The following THEMIS variants were observed in gnomAD, a reference collection of about 807,000 sequenced individuals.
The protein encoded by THEMIS is thymocyte selection associated.
A neutral mutation model predicts 52.6 loss-of-function variants in THEMIS; 37 were observed. That is an observed-to-expected ratio of 0.70 (90% CI 0.54 to 0.93). The LOEUF (loss-of-function observed/expected upper bound fraction) is 0.93. Among genes scored for constraint, THEMIS ranks in the 40% least tolerant of loss-of-function variants. The pLI, the probability that THEMIS is intolerant of heterozygous loss-of-function variation, is 0.00. For synonymous variants in THEMIS, 292 were observed against 272.7 expected, an observed-to-expected ratio of 1.07 and a Z score of -0.70; for missense variants, 808 against 763.1, an observed-to-expected ratio of 1.06 and a Z score of -0.69.
chr6:127,906,082 C>T (rs1437149941), intron 1 of THEMIS, among the ~76,000 whole-genome samples: 2 of 150,734 alleles, frequency 1.3e-5, no homozygotes, highest in Non-Finnish European at 3.0e-5. Context: ...AAGTAATAAA[C>T]TAATGTTGGC....
At chr6:127,835,364 G>T (rs1778841789) in intron 2 of THEMIS, among the ~76,000 whole-genome samples, 1 of 152,052 alleles carries the variant, frequency 6.6e-6, no homozygotes, top group African/African-American at 2.4e-5. Flanking sequence ...TTTAATTCTG[G>T]CCTCAGCCCC....
At chr6:127,797,930 G>A (rs984708481) in intron 4 of THEMIS, among the ~76,000 whole-genome samples, 1 of 152,190 alleles carries the variant, frequency 6.6e-6, no homozygotes, top group Non-Finnish European at 1.5e-5. Context: ...AAATGTGGGG[G>A]TTCACAGGCA....
chr6:127,840,458 A>G (rs914346137), intron 2 of THEMIS, among the ~76,000 whole-genome samples: 1 of 152,146 alleles, frequency 6.6e-6, no homozygotes, highest in African/African-American at 2.4e-5. Flanking sequence ...AAACAACAGA[A>G]ACAAATGTAT....
chr6:127,897,993 T>C (rs969519642), intron 1 of THEMIS, among the ~76,000 whole-genome samples: 4 of 151,686 alleles, frequency 2.6e-5, no homozygotes, highest in Non-Finnish European at 4.4e-5. Context: ...TTCACAAATA[T>C]AATGTTAAAC....
chr6:127,791,872 A>G (rs1000195473), intron 4 of THEMIS, among the ~76,000 whole-genome samples: 1 of 152,176 alleles, frequency 6.6e-6, no homozygotes. Flanking sequence ...AGGCTTGGCC[A>G]CAACTTTGCT....
intron 2 of THEMIS, among the ~76,000 whole-genome samples, chr6:127,833,907 A>T (rs1778785195): frequency 6.6e-6 from 1 of 152,220 alleles, no homozygotes; most frequent in Non-Finnish European, 1.5e-5. Flanking sequence ...ATATATAATA[A>T]CAAGGATGTT....
intron 4 of THEMIS, among the ~76,000 whole-genome samples, chr6:127,763,207 T>C (rs1776080187): frequency 6.6e-6 from 1 of 152,022 alleles, no homozygotes. Flanking sequence ...GGGAAAGCAT[T>C]ATATTTTAAT....
At chr6:127,880,758 AATCT>A (rs748575940) in intron 1 of THEMIS, among the ~76,000 whole-genome samples, 2 of 152,068 alleles carry the variant, frequency 1.3e-5, no homozygotes, top group Non-Finnish European at 2.9e-5. Flanking sequence ...TCAGACAGCT[AATCT>A]GTTTATGTAG....
chr6:127,799,179 C>T (rs138625823), intron 4 of THEMIS, among the ~76,000 whole-genome samples: 12 of 152,216 alleles, frequency 7.9e-5, no homozygotes, highest in Non-Finnish European at 1.5e-4. Flanking sequence ...AAAGCCACAA[C>T]ACGTTCTCAG....
At chr6:127,755,814 G>T (rs527997275) in intron 4 of THEMIS, among the ~76,000 whole-genome samples, 4 of 152,046 alleles carry the variant, frequency 2.6e-5, no homozygotes, top group Non-Finnish European at 2.9e-5. Flanking sequence ...ATCACTTGAG[G>T]TCAGGAGTTC....
At chr6:127,815,704 G>C (rs974757803) in intron 3 of THEMIS, among the ~76,000 whole-genome samples, 1 of 152,172 alleles carries the variant, frequency 6.6e-6, no homozygotes, top group South Asian at 2.1e-4. Context: ...CTCAAGGTAA[G>C]TTTAGAAACT....
upstream of THEMIS, among the ~76,000 whole-genome samples, chr6:127,904,911 G>A (rs886868303): frequency 6.6e-6 from 1 of 151,980 alleles, no homozygotes; most frequent in African/African-American, 2.4e-5. Flanking sequence ...TGTTGAACTG[G>A]AAATGGGAGC....
Position 127,708,982 on chromosome 6 carries a change from C to T in THEMIS, c.*1003G>A, listed in dbSNP as rs1297971243. ...CTATTAAATTCCTATGTAACATTAA[C>T]CAGATAGCCTGTCTCTTCATTTTGT... On this transcript the variant is annotated 3_prime_UTR_variant, in exon 6 of 6. Coordinates refer to ENST00000368248, the MANE Select transcript of THEMIS (RefSeq NM_001010923.3). The T allele has an allele frequency of 6.6e-6, 1 of 151,834 alleles. No homozygotes were observed. Among genetic ancestry groups the T allele is most frequent in the Non-Finnish European group, 1.5e-5 (1 of 67,890 alleles). 9.4% of individuals were successfully genotyped at this position (151,834 alleles called of 1,614,324 possible). A position where few individuals can be genotyped will look rare whatever the true frequency, so the allele number is the denominator to read the frequency against.
intron 1 of THEMIS, among the ~76,000 whole-genome samples, chr6:127,891,450 C>T (rs1047267511): frequency 2.7e-5 from 4 of 148,416 alleles, no homozygotes; most frequent in African/African-American, 7.5e-5. Context: ...ACAGGAAAAT[C>T]GCTTGAATCC....
rs149783397 is a variant in THEMIS at position 127,829,764 on chromosome 6, C to G, written c.421G>C (p.Val141Leu). Reference protein sequence around the residue: ...KQGEQIMLNSVEEIDGEIMVS... With the variant: ...KQGEQIMLNSLEEIDGEIMVS... ...ATTATTTCTCCATCAATCTCTTCAA[C>G]TGAGTTGAGCATGATTTGCTCACCC... The change falls in exon 3 of 6, where the codon GTT becomes CTT. Residue 141 changes from valine to leucine, a missense_variant. Transcript: ENST00000368248. 3.0e-5 allele frequency: 48 copies of G among 1,613,984 alleles called. No homozygotes were observed. Among genetic ancestry groups the G allele is most frequent in the Non-Finnish European group, 3.9e-5 (46 of 1,180,004 alleles).
intron 2 of THEMIS, among the ~76,000 whole-genome samples, chr6:127,843,625 C>T (rs1779121728): frequency 6.6e-6 from 1 of 151,904 alleles, no homozygotes; most frequent in Non-Finnish European, 1.5e-5. Context: ...GCTAGGTAGC[C>T]TCCAAGATGG....
intron 4 of THEMIS, among the ~76,000 whole-genome samples, chr6:127,747,577 C>A (rs978101570): frequency 6.6e-6 from 1 of 151,342 alleles, no homozygotes; most frequent in Non-Finnish European, 1.5e-5. Context: ...AGGTAATTAA[C>A]CATCTATTGA....
intron 2 of THEMIS, among the ~76,000 whole-genome samples, chr6:127,846,947 A>G (rs1390021238): frequency 6.6e-6 from 1 of 151,968 alleles, no homozygotes; most frequent in Non-Finnish European, 1.5e-5. Flanking sequence ...TCATTATCAC[A>G]TGAGTTTCAT....
At chr6:127,736,851 C>CAAAAAAAAAAAAAAAAAAAAAAAAA (rs3057968) in intron 4 of THEMIS, among the ~76,000 whole-genome samples, 2 of 104,876 alleles carry the variant, frequency 1.9e-5, no homozygotes, top group African/African-American at 3.8e-5. Context: ...ACCAAATGAT[C>CAAAAAAAAAAAAAAAAAAAAAAAAA]AAAAAAAAAA....
Sources: allele counts gnomAD v4.1 joint callset (sites outside exome capture counted in the v4.1 genomes callset), GRCh38; gene constraint gnomAD v4.1.1; transcripts MANE v1.5; gene names NCBI Gene and HGNC (gene_info 2026-07-23, HGNC 2026-07-21).